Variants in ROR1 observed in about 807,000 individuals in gnomAD.
ROR1 encodes the protein inactive tyrosine-protein kinase transmembrane receptor ROR1.
ROR1 carries 19 observed loss-of-function variants against 78.8 expected under a neutral mutation model. The ratio of observed to expected loss-of-function variants is 0.24; its 90% CI spans 0.17 to 0.35. ROR1 has a LOEUF of 0.35. Ranked by LOEUF, ROR1 falls within the 10% of genes least tolerant of loss-of-function variation. ROR1 has a pLI of 1.00. For synonymous variants in ROR1, 386 were observed against 433.6 expected (o/e 0.89, Z 1.36); for missense variants, 917 against 1,177.8 (o/e 0.78, Z 3.24).
intron 1 of ROR1, among the ~76,000 whole-genome samples, chr1:63,912,090 C>A (rs2100417824): frequency 6.9e-6 from 1 of 145,070 alleles, no homozygotes; most frequent in Non-Finnish European, 1.5e-5. Context: ...AGTTTGAGAC[C>A]AACCTGAGAA....
intron 4 of ROR1, among the ~76,000 whole-genome samples, chr1:64,085,831 T>C (rs1218484978): frequency 2.6e-5 from 4 of 152,184 alleles, no homozygotes. Flanking sequence ...AGCAGCCTGC[T>C]TGGCCATATA....
chr1:63,901,540 A>T (rs531435033), intron 1 of ROR1, among the ~76,000 whole-genome samples: 2 of 152,130 alleles, frequency 1.3e-5, no homozygotes, highest in African/African-American at 4.8e-5. Context: ...TTCAGATTCT[A>T]ATGATGTCTT....
intron 2 of ROR1, among the ~76,000 whole-genome samples, chr1:64,021,962 A>G (rs1371423769): frequency 6.6e-6 from 1 of 152,194 alleles, no homozygotes; most frequent in Non-Finnish European, 1.5e-5. Context: ...TAGCTGTATT[A>G]CTCACAATAG....
chr1:63,833,906 T>C (rs1645003977), intron 1 of ROR1, among the ~76,000 whole-genome samples: 1 of 152,046 alleles, frequency 6.6e-6, no homozygotes, highest in African/African-American at 2.4e-5. Flanking sequence ...TACAAATATT[T>C]ATGGCTTCTG....
intron 1 of ROR1, among the ~76,000 whole-genome samples, chr1:63,983,861 A>G (rs1295251783): frequency 6.6e-6 from 1 of 152,184 alleles, no homozygotes; most frequent in Non-Finnish European, 1.5e-5. Flanking sequence ...CAGTTTCCTT[A>G]TCTACTAAAT....
At chr1:63,905,792 A>G (rs2100409552) in intron 1 of ROR1, among the ~76,000 whole-genome samples, 1 of 152,344 alleles carries the variant, frequency 6.6e-6, no homozygotes, top group African/African-American at 2.4e-5. Flanking sequence ...CTAAATTCAA[A>G]AATTATAAAC....
At chr1:63,983,270 T>G (rs1441162072) in intron 1 of ROR1, among the ~76,000 whole-genome samples, 1 of 152,226 alleles carries the variant, frequency 6.6e-6, no homozygotes, top group Non-Finnish European at 1.5e-5. Context: ...TCATCTGAAT[T>G]GCTCTTTAAG....
At chr1:63,775,419 G>GCC (rs1222440851) in intron 1 of ROR1, 1 of 152,176 alleles carries the variant, frequency 6.6e-6, no homozygotes, top group African/African-American at 2.4e-5. Context: ...TTGGAGGTTG[G>GCC]AGGGGGAAAG....
intron 4 of ROR1, among the ~76,000 whole-genome samples, chr1:64,118,690 G>A (rs1432476320): frequency 2.0e-5 from 3 of 147,130 alleles, no homozygotes; most frequent in South Asian, 2.2e-4. Flanking sequence ...CCTAATGCTC[G>A]TTCTGATGCT....
intron 2 of ROR1, among the ~76,000 whole-genome samples, chr1:64,039,725 T>C (rs1471881781): frequency 6.6e-6 from 1 of 152,198 alleles, no homozygotes; most frequent in East Asian, 1.9e-4. Context: ...ACTTATGATG[T>C]GTTCTGTTTG....
intron 4 of ROR1, among the ~76,000 whole-genome samples, chr1:64,121,308 C>T (rs1342773125): frequency 1.3e-5 from 2 of 151,382 alleles, no homozygotes; most frequent in African/African-American, 4.9e-5. Flanking sequence ...AGGTGGTACA[C>T]CTTGATCAGA....
Position 64,026,591 on chromosome 1 carries a change from G to A in ROR1, c.163+17215G>A, listed in dbSNP as rs529429825. Reference sequence around the variant, plus strand: ...ACGCTGCTATAAAGAACTGCCCTGGGCTTGGTAATTTATAAAGAAAGGAGG... The same window carrying A: ...ACGCTGCTATAAAGAACTGCCCTGGACTTGGTAATTTATAAAGAAAGGAGG... On this transcript the variant is annotated intron_variant, in intron 2 of 8. Transcript: ENST00000371079. Among the ~76,000 whole-genome samples, 17 of 152,238 alleles carry A rather than the reference G, an allele frequency of 1.1e-4. No homozygotes were observed. In the South Asian group the frequency reaches 3.3e-3, roughly 30 times the overall value.
At chr1:64,100,730 G>A (rs1193376740) in intron 4 of ROR1, among the ~76,000 whole-genome samples, 1 of 152,136 alleles carries the variant, frequency 6.6e-6, no homozygotes, top group African/African-American at 2.4e-5. Context: ...CGTAACAAAT[G>A]TGTTTTAAGG....
At chr1:64,173,245 A>C (rs1225831899) in intron 8 of ROR1, among the ~76,000 whole-genome samples, 1 of 151,616 alleles carries the variant, frequency 6.6e-6, no homozygotes, top group African/African-American at 2.4e-5. Context: ...TGCAAAGCAA[A>C]CCCCCCAAAT....
chr1:63,952,982 GA>G (rs1232538662), intron 1 of ROR1, among the ~76,000 whole-genome samples: 1 of 152,162 alleles, frequency 6.6e-6, no homozygotes, highest in Non-Finnish European at 1.5e-5. Flanking sequence ...TTACTAAGGG[GA>G]TGGGGATCAA....
intron 1 of ROR1, among the ~76,000 whole-genome samples, chr1:63,985,499 A>G (rs1244522490): frequency 6.6e-6 from 1 of 152,154 alleles, no homozygotes; most frequent in African/African-American, 2.4e-5. Context: ...TTTGAGCACC[A>G]ACATGATGCC....
chr1:63,855,878 T>A (rs1569823722), intron 1 of ROR1, among the ~76,000 whole-genome samples: 1 of 151,898 alleles, frequency 6.6e-6, no homozygotes, highest in Non-Finnish European at 1.5e-5. Context: ...AGGATGGTCT[T>A]GATCTCTTGA....
intron 4 of ROR1, among the ~76,000 whole-genome samples, chr1:64,095,878 T>A (rs772466738): frequency 1.3e-5 from 2 of 152,168 alleles, no homozygotes; most frequent in Non-Finnish European, 2.9e-5. Flanking sequence ...AGAAGTAAAG[T>A]GATAGGCTAT....
chr1:64,130,823 A>C (rs2100698640), intron 4 of ROR1, among the ~76,000 whole-genome samples: 1 of 152,340 alleles, frequency 6.6e-6, no homozygotes, highest in Middle Eastern at 3.4e-3. Context: ...TTTTATTAAA[A>C]GCCAGGGCTA....
Sources: gnomAD v4.1 joint callset for allele counts (sites outside exome capture counted in the v4.1 genomes callset) on GRCh38, gnomAD v4.1.1 for gene constraint, MANE v1.5 for transcripts, NCBI Gene and HGNC (gene_info 2026-07-23, HGNC 2026-07-21) for gene names.